Variants in DTNB observed in about 807,000 individuals in gnomAD.
DTNB encodes the protein DTN-B.
Under a neutral mutation model 90.7 loss-of-function variants are expected in DTNB, and 63 were observed. The ratio of observed to expected loss-of-function variants is 0.69; its 90% CI spans 0.57 to 0.86. The LOEUF is 0.86. Ranked by LOEUF, DTNB falls within the 40% of genes least tolerant of loss-of-function variation. The probability of loss-of-function intolerance (pLI) is 0.00; values close to 1 mark genes in which losing one functional copy is unlikely to be tolerated. For synonymous variants in DTNB, 277 were observed against 286.7 expected (o/e 0.97, Z 0.34); for missense variants, 744 against 807.1 (o/e 0.92, Z 0.95).
chr2:25,379,719 T>G, intron 19 of DTNB: 1 of 190,162 alleles, frequency 5.3e-6, no homozygotes, highest in Non-Finnish European at 1.1e-5. Context: ...AGCCCTGCGC[T>G]TGCTCACCCG....
At chr2:25,475,793 A>G (rs890016915) in intron 10 of DTNB, among the ~76,000 whole-genome samples, 1 of 152,194 alleles carries the variant, frequency 6.6e-6, no homozygotes, top group African/African-American at 2.4e-5. Context: ...GCCTTTCAGA[A>G]TTATGCTAAA....
In DTNB at chr2:25,433,889, G is replaced by T. The variant is rs748241075; in HGVS notation, c.1343+21C>A. 3 of 1,612,274 alleles carry T rather than the reference G, an allele frequency of 1.9e-6. No individual in the cohort carries two copies. The Admixed American group carries it at 5.0e-5, about 27-fold the overall frequency. On this transcript the variant is annotated intron_variant, in intron 13 of 20. Transcript: ENST00000406818. ...TGATAATCCTGGACTCTGGAAGTGG[G>T]CTCAGCCTCTGCGTTCTTACCTGTT...
intron 4 of DTNB, among the ~76,000 whole-genome samples, chr2:25,623,790 G>T (rs1416062764): frequency 6.6e-6 from 1 of 152,132 alleles, no homozygotes; most frequent in African/African-American, 2.4e-5. Flanking sequence ...CATCATTAAT[G>T]AAAACCAGAA....
chr2:25,634,010 G>A (rs1171903846), intron 3 of DTNB, among the ~76,000 whole-genome samples: 2 of 151,312 alleles, frequency 1.3e-5, no homozygotes, highest in African/African-American at 4.9e-5. Context: ...GAGCCCCTCC[G>A]CCCGGCAGCC....
At chr2:25,647,640 C>T (rs1045827294) in intron 2 of DTNB, among the ~76,000 whole-genome samples, 8 of 152,134 alleles carry the variant, frequency 5.3e-5, no homozygotes, top group South Asian at 4.2e-4. Flanking sequence ...TTTGGGAAGC[C>T]GAGGTGGGAG....
At chr2:25,381,212 T>TGC (rs1211050818) in intron 19 of DTNB, among the ~76,000 whole-genome samples, 4 of 142,386 alleles carry the variant, frequency 2.8e-5, no homozygotes, top group Non-Finnish European at 4.6e-5. Flanking sequence ...CGTGTGCGTG[T>TGC]GTGTGCGCGT....
intron 12 of DTNB, among the ~76,000 whole-genome samples, chr2:25,438,799 G>C (rs2056644384): frequency 6.6e-6 from 1 of 152,212 alleles, no homozygotes; most frequent in Non-Finnish European, 1.5e-5. Flanking sequence ...GCCACAGCCA[G>C]GTGATCAAGG....
At chr2:25,461,103 C>T (rs1420088541) in intron 10 of DTNB, among the ~76,000 whole-genome samples, 1 of 152,188 alleles carries the variant, frequency 6.6e-6, no homozygotes, top group Admixed American at 6.5e-5. Flanking sequence ...GGGGTTTTGC[C>T]ATGTTGGCCA....
intron 20 of DTNB, among the ~76,000 whole-genome samples, chr2:25,377,776 G>T (rs1292790282): frequency 6.6e-6 from 1 of 152,200 alleles, no homozygotes; most frequent in Non-Finnish European, 1.5e-5. Flanking sequence ...ACAATGCAAG[G>T]TTTGAATGGG....
chr2:25,653,575 G>A (rs1233120599), intron 1 of DTNB, among the ~76,000 whole-genome samples: 3 of 143,356 alleles, frequency 2.1e-5, no homozygotes, highest in South Asian at 2.2e-4. Context: ...GCAGTGGTGC[G>A]ATCTCAGCTT....
At chr2:25,571,181 TA>T (rs1166275986) in intron 8 of DTNB, among the ~76,000 whole-genome samples, 2 of 152,226 alleles carry the variant, frequency 1.3e-5, no homozygotes, top group Non-Finnish European at 2.9e-5. Context: ...GTATACAACA[TA>T]TTGTAATTCA....
At chr2:25,672,587 G>A (rs182832588) in intron 1 of DTNB, among the ~76,000 whole-genome samples, 1 of 151,940 alleles carries the variant, frequency 6.6e-6, no homozygotes. Context: ...CCAAAACCAC[G>A]CAATTTATGG....
intron 3 of DTNB, 109 bp downstream of exon 3, chr2:25,638,905 A>C: frequency 8.8e-7 from 1 of 1,131,708 alleles, no homozygotes; most frequent in Admixed American, 3.1e-5. Flanking sequence ...TAAATACTTA[A>C]GACAAAAATA....
chr2:25,654,803 T>C (rs943239412), intron 1 of DTNB, among the ~76,000 whole-genome samples: 16 of 152,186 alleles, frequency 1.1e-4, no homozygotes, highest in African/African-American at 3.9e-4. Flanking sequence ...CTGGAAAAAT[T>C]ACTTAATCCT....
chr2:25,664,380 A>G (rs1394736453), intron 1 of DTNB, among the ~76,000 whole-genome samples: 3 of 152,202 alleles, frequency 2.0e-5, no homozygotes, highest in African/African-American at 7.2e-5. Flanking sequence ...CTGTCTATTT[A>G]GCAAAGTTCA....
chr2:25,571,014 A>G (rs1183841026), intron 8 of DTNB, among the ~76,000 whole-genome samples: 1 of 152,178 alleles, frequency 6.6e-6, no homozygotes, highest in African/African-American at 2.4e-5. Context: ...ACGGTGAATC[A>G]AGGTTCATCC....
chr2:25,555,291 CA>C (rs1194525010), intron 8 of DTNB, among the ~76,000 whole-genome samples: 1,030 of 53,984 alleles, frequency 0.019, 9 homozygotes, highest in African/African-American at 0.064. Flanking sequence ...ACTCCGTCTC[CA>C]AAAAAAAAAA....
chr2:25,397,337 CAAA>C (rs749225408), intron 16 of DTNB, among the ~76,000 whole-genome samples: 3 of 63,392 alleles, frequency 4.7e-5, no homozygotes. Context: ...GACTCTGTCT[CAAA>C]AAAAAAAAAA....
intron 9 of DTNB, among the ~76,000 whole-genome samples, chr2:25,524,425 G>T (rs973948437): frequency 3.3e-5 from 5 of 149,724 alleles, no homozygotes; most frequent in African/African-American, 4.9e-5. Context: ...TTTTTGGTGG[G>T]GGGGGTGGTC....
Sources: gnomAD v4.1 joint callset for allele counts (sites outside exome capture counted in the v4.1 genomes callset) on GRCh38, gnomAD v4.1.1 for gene constraint, MANE v1.5 for transcripts, NCBI Gene and HGNC (gene_info 2026-07-23, HGNC 2026-07-21) for gene names.